THSD4: variants seen among roughly 807,000 people sequenced by gnomAD.
THSD4 encodes thrombospondin type-1 domain-containing protein 4.
Under a neutral mutation model 119.0 loss-of-function variants are expected in THSD4, and 69 were observed. That is an observed-to-expected ratio of 0.58 (90% CI 0.48 to 0.71). The LOEUF (loss-of-function observed/expected upper bound fraction) is 0.71. Among genes scored for constraint, THSD4 ranks in the 30% least tolerant of loss-of-function variants. The pLI, the probability that THSD4 is intolerant of heterozygous loss-of-function variation, is 0.00. For synonymous variants in THSD4, 524 were observed against 540.4 expected (o/e 0.97, Z 0.42); for missense variants, 1,393 against 1,391.1 (o/e 1.00, Z -0.02).
At chr15:71,386,732 C>T (rs2046298069) in intron 6 of THSD4, among the ~76,000 whole-genome samples, 1 of 152,118 alleles carries the variant, frequency 6.6e-6, no homozygotes, top group African/African-American at 2.4e-5. Flanking sequence ...AAAGAGAAGA[C>T]CCCTAAAATA....
chr15:71,594,937 A>G (rs1046062142), intron 7 of THSD4, among the ~76,000 whole-genome samples: 2 of 151,280 alleles, frequency 1.3e-5, no homozygotes, highest in Admixed American at 1.3e-4. Context: ...AAGAGGTGAC[A>G]TCTGAGCTAG....
chr15:71,412,340 C>T (rs530128232), intron 7 of THSD4, among the ~76,000 whole-genome samples: 4 of 152,260 alleles, frequency 2.6e-5, no homozygotes, highest in Admixed American at 6.5e-5. Context: ...GAAGTCTGTT[C>T]CAGGAACACC....
Position 71,409,886 on chromosome 15 carries a change from GTT to G in THSD4, c.1016-1789_1016-1788del, listed in dbSNP as rs35006832. Among the ~76,000 whole-genome samples, 282 of 148,946 alleles carry G rather than the reference GTT, an allele frequency of 1.9e-3. 5 individuals carry two copies. The South Asian group carries it at 0.028, about 15-fold the overall frequency. On this transcript the variant is annotated intron_variant, in intron 6 of 17. Coordinates refer to ENST00000261862, the MANE Select transcript of THSD4 (RefSeq NM_024817.3). The stretch of plus-strand genomic sequence containing the variant: ...CAGCATTAGTCTTGTCTCCAAAACA[GTT>G]TTTTTTTTTTTGTTTTTTTTACATA...
intron 6 of THSD4, among the ~76,000 whole-genome samples, chr15:71,326,698 A>ATATATATGTATATATATAT (rs869215561): frequency 1.0e-4 from 1 of 9,980 alleles, no homozygotes; most frequent in Non-Finnish European, 2.4e-4. Context: ...AAAAAAAAAA[A>ATATATATGTATATATATAT]AAATATATAT....
intron 6 of THSD4, among the ~76,000 whole-genome samples, chr15:71,396,528 C>T (rs1381779500): frequency 6.6e-6 from 1 of 152,184 alleles, no homozygotes; most frequent in Non-Finnish European, 1.5e-5. Flanking sequence ...GCCTCAGTTC[C>T]TGACGGGAGA....
At chr15:71,531,067 G>A (rs1170401712) in intron 7 of THSD4, among the ~76,000 whole-genome samples, 1 of 152,088 alleles carries the variant, frequency 6.6e-6, no homozygotes, top group Non-Finnish European at 1.5e-5. Flanking sequence ...GCAAAAGAAG[G>A]GATGAGTTTA....
At chr15:71,177,782 T>G (rs2141415973) in intron 3 of THSD4, among the ~76,000 whole-genome samples, 1 of 144,320 alleles carries the variant, frequency 6.9e-6, no homozygotes, top group Middle Eastern at 3.5e-3. Context: ...ATCAAAAAGC[T>G]TATCCACCAT....
chr15:71,518,909 T>C (rs2048398854), intron 7 of THSD4, among the ~76,000 whole-genome samples: 1 of 152,304 alleles, frequency 6.6e-6, no homozygotes, highest in East Asian at 1.9e-4. Context: ...CCTGATCTTA[T>C]GGAGCATATG....
chr15:71,284,485 C>T (rs990924899), intron 6 of THSD4, among the ~76,000 whole-genome samples: 3 of 152,144 alleles, frequency 2.0e-5, no homozygotes, highest in South Asian at 4.1e-4. Context: ...ATAGGAATTT[C>T]GGTAGGTATT....
At chr15:71,734,598 C>T (rs2053045255) in intron 10 of THSD4, among the ~76,000 whole-genome samples, 1 of 152,012 alleles carries the variant, frequency 6.6e-6, no homozygotes, top group Non-Finnish European at 1.5e-5. Flanking sequence ...TTGTCCAGAC[C>T]CACAGAATGT....
At chr15:71,721,964 G>A (rs1363691933) in intron 8 of THSD4, among the ~76,000 whole-genome samples, 1 of 134,182 alleles carries the variant, frequency 7.5e-6, no homozygotes, top group Non-Finnish European at 1.6e-5. Flanking sequence ...GTGACAGAGT[G>A]AGTCCCTGTC....
At chr15:71,311,966 A>G (rs1167551903) in intron 6 of THSD4, among the ~76,000 whole-genome samples, 1 of 151,944 alleles carries the variant, frequency 6.6e-6, no homozygotes, top group Non-Finnish European at 1.5e-5. Context: ...ACCCCTCCCC[A>G]TAGCCCGTGC....
intron 8 of THSD4, among the ~76,000 whole-genome samples, chr15:71,687,279 T>G (rs956618708): frequency 6.6e-6 from 1 of 152,172 alleles, no homozygotes; most frequent in African/African-American, 2.4e-5. Flanking sequence ...TGTTTTAAAT[T>G]TTATTCTATA....
chr15:71,108,990 TCAAACAAA>T (rs901677498), intron 1 of THSD4, among the ~76,000 whole-genome samples: 7 of 152,112 alleles, frequency 4.6e-5, no homozygotes, highest in African/African-American at 1.7e-4. Flanking sequence ...AGACTCCGTC[TCAAACAAA>T]CAAACAAACA....
chr15:71,353,408 TCA>T (rs1000199593), intron 6 of THSD4, among the ~76,000 whole-genome samples: 3 of 152,224 alleles, frequency 2.0e-5, no homozygotes, highest in African/African-American at 7.2e-5. Context: ...TTCAGCTTTT[TCA>T]CAGTTTGCTT....
chr15:71,120,459 C>A lies in THSD4; in HGVS notation c.-80+4761C>A, dbSNP rs774686971. Among the ~76,000 whole-genome samples the A allele has an allele frequency of 2.0e-5, 3 of 152,152 alleles. No individual in the cohort carries two copies. In the East Asian group the frequency reaches 5.8e-4, roughly 29 times the overall value. ...ATCCCAGGCATTGGCGCCCATTAGC[C>A]CTGCTTCTCTAGGGCGTGGTCCGAG... On this transcript the variant is annotated intron_variant, in intron 1 of 17. Coordinates refer to ENST00000261862, the MANE Select transcript of THSD4 (RefSeq NM_024817.3).
chr15:71,151,621 T>A (rs982036493), intron 2 of THSD4, among the ~76,000 whole-genome samples: 8 of 152,194 alleles, frequency 5.3e-5, no homozygotes, highest in African/African-American at 1.9e-4. Flanking sequence ...TGAGTTGTGA[T>A]GCACATGTTC....
chr15:71,403,396 C>T (rs1459320398), intron 6 of THSD4, among the ~76,000 whole-genome samples: 6 of 152,138 alleles, frequency 3.9e-5, no homozygotes, highest in Non-Finnish European at 1.5e-5. Context: ...TATTGTTCAG[C>T]CATCAAAGTT....
chr15:71,403,170 T>G (rs2046560454), intron 6 of THSD4, among the ~76,000 whole-genome samples: 1 of 152,224 alleles, frequency 6.6e-6, no homozygotes. Flanking sequence ...TTGGCTTAGA[T>G]ATTCTATCTC....
Sources: gnomAD v4.1 joint callset for allele counts (sites outside exome capture counted in the v4.1 genomes callset) on GRCh38, gnomAD v4.1.1 for gene constraint, MANE v1.5 for transcripts, NCBI Gene and HGNC (gene_info 2026-07-23, HGNC 2026-07-21) for gene names.